EFEMP1: variants seen among roughly 807,000 people sequenced by gnomAD.
EFEMP1 encodes the protein EGF-like fibulin extracellular matrix protein 1, also known as EGF-containing fibulin-like extracellular matrix protein 1.
Under a neutral mutation model 65.7 loss-of-function variants are expected in EFEMP1, and 18 were observed. The observed-to-expected ratio is 0.27, with a 90% CI of 0.19 to 0.41. The LOEUF (loss-of-function observed/expected upper bound fraction) is 0.41. EFEMP1 is among the 10% of genes least tolerant of loss of function. The pLI is 1.00. For synonymous variants in EFEMP1, 237 were observed against 219.7 expected, an observed-to-expected ratio of 1.08 and a Z score of -0.70; for missense variants, 469 against 624.8, an observed-to-expected ratio of 0.75 and a Z score of 2.66.
chr2:55,903,808 T>A lies in EFEMP1; in HGVS notation c.517+13857A>T, dbSNP rs577663868. Among the ~76,000 whole-genome samples the A allele has an allele frequency of 1.8e-4, 28 of 152,272 alleles. No individual in the cohort carries two copies. In the South Asian group the frequency reaches 5.6e-3, roughly 30 times the overall value. Reference sequence around the variant, plus strand: ...GCATGTATACATATATATGTATACATACATATATGAGTGGACAGTTGGTAA... The same window carrying A: ...GCATGTATACATATATATGTATACAAACATATATGAGTGGACAGTTGGTAA... On this transcript the variant is annotated intron_variant, in intron 5 of 11. Transcript: ENST00000355426.
intron 5 of EFEMP1, among the ~76,000 whole-genome samples, chr2:55,908,881 A>T (rs906942834): frequency 6.6e-6 from 1 of 152,178 alleles, no homozygotes; most frequent in African/African-American, 2.4e-5. Context: ...TAAATGGCTT[A>T]TTGGAAAATA....
rs1307765791 is a variant in EFEMP1 at position 55,922,821 on chromosome 2, G to C, written c.-8+78C>G. On this transcript the variant is annotated intron_variant, in intron 2 of 11. Transcript: ENST00000355426. This position sits in a 1 kb window ranked among gnomAD's most constrained non-coding sequence, Gnocchi z 5.5. Reference sequence around the variant, plus strand: ...GGGACGGTGCATTTCCTGCCCCCCAGTCCCACACCCCGGGGGATGGAGGTG... The same window carrying C: ...GGGACGGTGCATTTCCTGCCCCCCACTCCCACACCCCGGGGGATGGAGGTG... 4.5e-5 allele frequency: 49 copies of C among 1,094,858 alleles called. No individual in the cohort carries two copies. Among genetic ancestry groups the C allele is most frequent in the Non-Finnish European group, 5.6e-5 (48 of 863,936 alleles). 67.8% of individuals were successfully genotyped at this position (1,094,858 alleles called of 1,614,324 possible).
At chr2:55,893,057 G>C (rs1053401394) in intron 5 of EFEMP1, among the ~76,000 whole-genome samples, 2 of 152,004 alleles carry the variant, frequency 1.3e-5, no homozygotes, top group Non-Finnish European at 2.9e-5. Context: ...AAAACCTTTG[G>C]CTTCAGGCAC....
At chr2:55,881,556 T>A in intron 6 of EFEMP1, 56 bp downstream of exon 6, 1 of 1,610,190 alleles carries the variant, frequency 6.2e-7, no homozygotes, top group Non-Finnish European at 8.5e-7. Context: ...ATGCTTGAGG[T>A]TGAAACAGTT....
At chr2:55,901,817 T>G (rs184834593) in intron 5 of EFEMP1, among the ~76,000 whole-genome samples, 2 of 152,316 alleles carry the variant, frequency 1.3e-5, no homozygotes, top group East Asian at 3.9e-4. Context: ...ATTAGGTTAC[T>G]AAAGACTCTT....
At chr2:55,901,692 T>C (rs1401268049) in intron 5 of EFEMP1, among the ~76,000 whole-genome samples, 2 of 152,178 alleles carry the variant, frequency 1.3e-5, no homozygotes, top group Non-Finnish European at 2.9e-5. Context: ...AATTCTAGAT[T>C]GTGGTAGGCA....
rs1172711923 is a variant in EFEMP1 at position 55,917,025 on chromosome 2, G to GTT, written c.517+639_517+640insAA. Among the ~76,000 whole-genome samples the GTT allele has an allele frequency of 6.6e-6, 1 of 152,182 alleles. No individual in the cohort carries two copies. The highest frequency in any genetic ancestry group is 2.4e-5 in the African/African-American group (1 of 41,454). On this transcript the variant is annotated intron_variant, in intron 5 of 11. Coordinates refer to ENST00000355426, the MANE Select transcript of EFEMP1 (RefSeq NM_001039348.3). This position sits in a 1 kb window ranked among gnomAD's most constrained non-coding sequence, Gnocchi z 6.3. ...ATGAGAGCTTAAAAGAGATATAAAC[G>GTT]TGAGTGGGGGAGAATCCCTCCAAGG...
rs2104384851 is a variant in EFEMP1 at position 55,877,538 on chromosome 2, G to C, written c.760+208C>G. Among the ~76,000 whole-genome samples the C allele has an allele frequency of 6.6e-6, 1 of 152,268 alleles. No individual in the cohort carries two copies. The highest frequency in any genetic ancestry group is 2.4e-5 in the African/African-American group (1 of 41,552). The stretch of plus-strand genomic sequence containing the variant: ...AATTTGTTGATCTATCCACAGAGGA[G>C]AACTAAAACCAAAGTTAAAAAGTTT... On this transcript the variant is annotated intron_variant, in intron 7 of 11. Coordinates refer to ENST00000355426, the MANE Select transcript of EFEMP1 (RefSeq NM_001039348.3). The surrounding 1 kb of genome is among the most constrained non-coding windows in gnomAD (Gnocchi z 4.5).
At chr2:55,872,453 G>A (rs1668845999) in intron 9 of EFEMP1, among the ~76,000 whole-genome samples, 1 of 152,022 alleles carries the variant, frequency 6.6e-6, no homozygotes, top group Non-Finnish European at 1.5e-5. Context: ...TCATCACCTA[G>A]CATTAATGCA....
In EFEMP1 at chr2:55,921,772, A is replaced by G. The variant is rs1284664803; in HGVS notation, c.81+588T>C. 2.0e-5 allele frequency among the ~76,000 whole-genome samples: 3 copies of G among 152,246 alleles called. No individual in the cohort carries two copies. The highest frequency in any genetic ancestry group is 1.9e-4 in the East Asian group (1 of 5,200). On this transcript the variant is annotated intron_variant, in intron 3 of 11. Coordinates refer to ENST00000355426, the MANE Select transcript of EFEMP1 (RefSeq NM_001039348.3). This position sits in a 1 kb window ranked among gnomAD's most constrained non-coding sequence, Gnocchi z 4.1. ...GAAAATGCAAAACGGAGTTGCACAC[A>G]TTACGTTTTAAAACCACTTTAGCCA...
rs1193778907 is a variant in EFEMP1 at position 55,886,643 on chromosome 2, C to A, written c.518-4909G>T. On this transcript the variant is annotated intron_variant, in intron 5 of 11. Transcript: ENST00000355426. The surrounding 1 kb of genome is among the most constrained non-coding windows in gnomAD (Gnocchi z 4.0). ...CCAACATTCTTAATGATTTAGATAC[C>A]CACCTGCTCAAAATGATTGCTCCCA... Among the ~76,000 whole-genome samples the A allele has an allele frequency of 6.6e-6, 1 of 152,090 alleles. No individual in the cohort carries two copies. The highest frequency in any genetic ancestry group is 1.9e-4 in the East Asian group (1 of 5,196).
intron 5 of EFEMP1, among the ~76,000 whole-genome samples, chr2:55,911,757 A>G (rs1015855553): frequency 1.3e-5 from 2 of 152,154 alleles, no homozygotes; most frequent in African/African-American, 4.8e-5. Flanking sequence ...GAGTGATCAT[A>G]CTGACCTCTT....
At chr2:55,918,649 G>T (rs1442343595) in intron 3 of EFEMP1, among the ~76,000 whole-genome samples, 2 of 138,036 alleles carry the variant, frequency 1.4e-5, no homozygotes, top group Non-Finnish European at 3.1e-5. Flanking sequence ...CTCTTTCCTC[G>T]CCCTCTCCCC....
At chr2:55,875,331 T>TACACACACACACACAC (rs747889223) in intron 8 of EFEMP1, among the ~76,000 whole-genome samples, 2 of 105,882 alleles carry the variant, frequency 1.9e-5, no homozygotes, top group Admixed American at 9.6e-5. Context: ...CTGGGTTTCA[T>TACACACACACACACAC]ATATACACAC....
At chr2:55,894,369 G>A (rs1669737994) in intron 5 of EFEMP1, among the ~76,000 whole-genome samples, 1 of 151,998 alleles carries the variant, frequency 6.6e-6, no homozygotes, top group African/African-American at 2.4e-5. Context: ...GAAAAAACAG[G>A]GAATATTTTC....
rs1035257128 is a variant in EFEMP1 at position 55,917,383 on chromosome 2, C to A, written c.517+282G>T. Among the ~76,000 whole-genome samples, 2 of 152,084 alleles carry A rather than the reference C, an allele frequency of 1.3e-5. No homozygotes were observed. The highest frequency in any genetic ancestry group is 2.9e-5 in the Non-Finnish European group (2 of 68,028). On this transcript the variant is annotated intron_variant, in intron 5 of 11. Transcript: ENST00000355426. The surrounding 1 kb of genome is among the most constrained non-coding windows in gnomAD (Gnocchi z 6.3). ...TTAACTGGGCTGGGGTGTAGCTTCGCCATCGAGAAGTTTTAAAGGTTCCCA... is the reference window on the plus strand; with the variant it reads ...TTAACTGGGCTGGGGTGTAGCTTCGACATCGAGAAGTTTTAAAGGTTCCCA...
chr2:55,868,494 A>G (rs1397780449), intron 11 of EFEMP1, among the ~76,000 whole-genome samples: 6 of 152,160 alleles, frequency 3.9e-5, no homozygotes, highest in Non-Finnish European at 7.4e-5. Flanking sequence ...CTTCAATTTC[A>G]TGTACTTTCT....
intron 5 of EFEMP1, among the ~76,000 whole-genome samples, chr2:55,906,111 T>G (rs1452805576): frequency 6.6e-6 from 1 of 152,206 alleles, no homozygotes; most frequent in Non-Finnish European, 1.5e-5. Flanking sequence ...CAATTAAATT[T>G]CCTTCTTCCA....
intron 5 of EFEMP1, among the ~76,000 whole-genome samples, chr2:55,900,365 G>A (rs1458333377): frequency 2.7e-5 from 4 of 148,490 alleles, no homozygotes; most frequent in Admixed American, 6.8e-5. Flanking sequence ...CAGCCTTCCC[G>A]GGATGCTCCG....
Sources: gnomAD v4.1 joint callset for allele counts (sites outside exome capture counted in the v4.1 genomes callset) on GRCh38, gnomAD v4.1.1 for gene constraint, Gnocchi (gnomAD v3.1) non-coding constraint, MANE v1.5 for transcripts, NCBI Gene and HGNC (gene_info 2026-07-23, HGNC 2026-07-21) for gene names.